The following FMN2 variants were observed in gnomAD, a reference collection of about 807,000 sequenced individuals.
The protein encoded by FMN2 is formin 2, also known as formin-2.
A neutral mutation model predicts 142.3 loss-of-function variants in FMN2; 51 were observed. The observed-to-expected ratio is 0.36, with a 90% CI of 0.29 to 0.45. FMN2 has a LOEUF of 0.45. FMN2 is among the 20% of genes least tolerant of loss of function. The pLI is 1.00. For synonymous variants in FMN2, 882 were observed against 869.8 expected, an observed-to-expected ratio of 1.01 and a Z score of -0.25; for missense variants, 1,936 against 2,122.8, an observed-to-expected ratio of 0.91 and a Z score of 1.73.
rs912471226 is a variant in FMN2 at position 240,380,038 on chromosome 1, G to A, written c.4859-12473G>A. On this transcript the variant is annotated intron_variant, in intron 14 of 17. Coordinates refer to ENST00000319653, the MANE Select transcript of FMN2 (RefSeq NM_020066.5). Reference sequence around the variant, plus strand: ...AGATAGACAGCAATAGAGTAATTTGGGGACACTTCAATACACCATTGGCAA... The same window carrying A: ...AGATAGACAGCAATAGAGTAATTTGAGGACACTTCAATACACCATTGGCAA... Among the ~76,000 whole-genome samples the A allele has an allele frequency of 4.6e-5, 7 of 151,962 alleles. No individual in the cohort carries two copies. The East Asian group carries it at 9.7e-4, about 21-fold the overall frequency.
At chr1:240,334,373 C>A in intron 13 of FMN2, 144 bp downstream of exon 13, 1 of 988,860 alleles carries the variant, frequency 1.0e-6, no homozygotes, top group Non-Finnish European at 1.4e-6. Context: ...AACAATTTTG[C>A]CTATATTCTT....
intron 8 of FMN2, 63 bp downstream of exon 8, chr1:240,294,946 C>T (rs1669916181): frequency 5.7e-6 from 8 of 1,395,972 alleles, no homozygotes; most frequent in Non-Finnish European, 7.0e-6. Context: ...TGTCTATGTG[C>T]ACATATAGGC....
At chr1:240,200,737 G>A (rs959246364) in intron 4 of FMN2, among the ~76,000 whole-genome samples, 1 of 152,060 alleles carries the variant, frequency 6.6e-6, no homozygotes, top group Non-Finnish European at 1.5e-5. Context: ...TAGCAGGTTG[G>A]TTTTTTGTTC....
At chr1:240,301,852 G>A (rs1423179494) in intron 8 of FMN2, among the ~76,000 whole-genome samples, 1 of 151,600 alleles carries the variant, frequency 6.6e-6, no homozygotes, top group East Asian at 1.9e-4. Context: ...TGGTTTTCTT[G>A]TATTCTGATT....
intron 2 of FMN2, among the ~76,000 whole-genome samples, chr1:240,160,955 T>TA (rs920626152): frequency 6.6e-6 from 1 of 152,054 alleles, no homozygotes; most frequent in African/African-American, 2.4e-5. Context: ...TAAAAATACT[T>TA]AAAAAATAAT....
intron 7 of FMN2, among the ~76,000 whole-genome samples, chr1:240,292,401 C>T (rs546986563): frequency 6.6e-6 from 1 of 152,318 alleles, no homozygotes; most frequent in Non-Finnish European, 1.5e-5. Context: ...CTTCTCTGTG[C>T]ATTACCAGTT....
intron 6 of FMN2, among the ~76,000 whole-genome samples, chr1:240,247,749 T>C (rs535533327): frequency 6.6e-6 from 1 of 152,316 alleles, no homozygotes; most frequent in Admixed American, 6.5e-5. Flanking sequence ...TGATGGTTCC[T>C]ACTCTCATGT....
chr1:240,224,808 A>G (rs1463192541), intron 6 of FMN2, among the ~76,000 whole-genome samples: 1 of 152,162 alleles, frequency 6.6e-6, no homozygotes, highest in African/African-American at 2.4e-5. Context: ...TCCCTGGCTG[A>G]CTAAAATTAG....
intron 8 of FMN2, among the ~76,000 whole-genome samples, chr1:240,326,105 G>C (rs1671162541): frequency 6.6e-6 from 1 of 152,178 alleles, no homozygotes; most frequent in South Asian, 2.1e-4. Context: ...CCGTGTGTGT[G>C]TACACATGTA....
Position 240,355,850 on chromosome 1 carries a change from C to G in FMN2, c.4800C>G (p.Val1600=), listed in dbSNP as rs754946171. 2.5e-6 allele frequency: 4 copies of G among 1,607,290 alleles called. No individual in the cohort carries two copies. Among genetic ancestry groups the G allele is most frequent in the South Asian group, 1.1e-5 (1 of 90,766 alleles). The change falls in exon 14 of 18, where the codon GTC becomes GTG. Residue 1600 remains valine (V), a synonymous_variant. Transcript: ENST00000319653. ...CEVEAGKVYQ[V]SSKEHMQPFK... is the part of the protein sequence containing the mutation. ...TTGAAGCAGGGAAAGTATACCAGGT[C>G]TCCTCAAAAGAGCATATGCAGCCTT...
chr1:240,164,666 T>G (rs1409784128), intron 2 of FMN2, among the ~76,000 whole-genome samples: 2 of 152,228 alleles, frequency 1.3e-5, no homozygotes, highest in African/African-American at 4.8e-5. Context: ...CTTCTAGCTT[T>G]CAATGACACT....
chr1:240,379,963 C>T (rs1673171173), intron 14 of FMN2, among the ~76,000 whole-genome samples: 1 of 152,030 alleles, frequency 6.6e-6, no homozygotes, highest in South Asian at 2.1e-4. Context: ...CACCCAATAG[C>T]AGAGCACCCA....
At chr1:240,109,750 T>A in intron 1 of FMN2, among the ~76,000 whole-genome samples, 1 of 152,078 alleles carries the variant, frequency 6.6e-6, no homozygotes, top group Non-Finnish European at 1.5e-5. Context: ...AAATACATCA[T>A]CCTGAGACAC....
chr1:240,471,100 A>C (rs1280723318), intron 16 of FMN2, among the ~76,000 whole-genome samples: 1 of 152,214 alleles, frequency 6.6e-6, no homozygotes, highest in Non-Finnish European at 1.5e-5. Context: ...CTTTGCTCCA[A>C]ATAGCATCTT....
intron 8 of FMN2, among the ~76,000 whole-genome samples, chr1:240,324,244 A>G (rs1002448531): frequency 6.6e-6 from 1 of 152,168 alleles, no homozygotes; most frequent in African/African-American, 2.4e-5. Context: ...CTATTGATTT[A>G]TACACTATTC....
At chr1:240,171,308 A>ACCAGC (rs1475529268) in intron 2 of FMN2, 2 of 708,930 alleles carry the variant, frequency 2.8e-6, no homozygotes, top group Admixed American at 3.9e-5. Context: ...AAAAGAGAAA[A>ACCAGC]CCAGCGTCCA....
chr1:240,345,507 G>C (rs902088877), intron 13 of FMN2, among the ~76,000 whole-genome samples: 1 of 152,116 alleles, frequency 6.6e-6, no homozygotes, highest in African/African-American at 2.4e-5. Context: ...GTCTTGCTCT[G>C]TCGCCCAGGC....
At chr1:240,319,752 C>G (rs1309702369) in intron 8 of FMN2, among the ~76,000 whole-genome samples, 1 of 152,084 alleles carries the variant, frequency 6.6e-6, no homozygotes, top group Non-Finnish European at 1.5e-5. Context: ...TGTGGAGCCA[C>G]TTTGTTCGTG....
At chr1:240,291,093 C>G (rs780182271) in intron 7 of FMN2, among the ~76,000 whole-genome samples, 1 of 152,052 alleles carries the variant, frequency 6.6e-6, no homozygotes, top group East Asian at 1.9e-4. Context: ...GAATTACAGG[C>G]GTGAGCCACC....
Sources: gnomAD v4.1 joint callset for allele counts (sites outside exome capture counted in the v4.1 genomes callset) on GRCh38, gnomAD v4.1.1 for gene constraint, MANE v1.5 for transcripts, NCBI Gene and HGNC (gene_info 2026-07-23, HGNC 2026-07-21) for gene names.